The following ACSM3 variants were observed in gnomAD, a reference collection of about 807,000 sequenced individuals.
ACSM3 encodes the protein acyl-coenzyme A synthetase ACSM3, mitochondrial.
A neutral mutation model predicts 74.1 loss-of-function variants in ACSM3; 61 were observed. That is an observed-to-expected ratio of 0.82 (90% CI 0.67 to 1.02). The LOEUF is 1.02. ACSM3 is among the 50% of genes least tolerant of loss of function. The probability of loss-of-function intolerance (pLI) is 0.00; values close to 1 mark genes in which losing one functional copy is unlikely to be tolerated. For missense variants in ACSM3, 660 were observed against 697.0 expected, an observed-to-expected ratio of 0.95 and a Z score of 0.60; for synonymous variants, 213 against 241.5, an observed-to-expected ratio of 0.88 and a Z score of 1.09.
chr16:20,729,847 G>C (rs939035083), intron 1 of ACSM3, among the ~76,000 whole-genome samples: 2 of 151,908 alleles, frequency 1.3e-5, no homozygotes, highest in African/African-American at 4.8e-5. Flanking sequence ...CCACATCCAA[G>C]GGTTCATGTA....
chr16:20,752,170 A>G (rs942393623), intron 2 of ACSM3, among the ~76,000 whole-genome samples: 16 of 152,052 alleles, frequency 1.1e-4, no homozygotes, highest in African/African-American at 3.9e-4. Flanking sequence ...AGCCTGGGCG[A>G]CAGAGCGAGA....
chr16:20,740,270 C>T (rs2079905518), intron 1 of ACSM3, among the ~76,000 whole-genome samples: 1 of 152,204 alleles, frequency 6.6e-6, no homozygotes, highest in South Asian at 2.1e-4. Context: ...GTGGCACATG[C>T]CTGCAGTCCC....
intron 1 of ACSM3, among the ~76,000 whole-genome samples, chr16:20,678,697 T>C (rs976973976): frequency 6.6e-6 from 1 of 152,210 alleles, no homozygotes; most frequent in Non-Finnish European, 1.5e-5. Flanking sequence ...AGGACTTAAC[T>C]TGACTATTAA....
intron 1 of ACSM3, chr16:20,749,461 AG>A (rs1431584445): frequency 6.6e-6 from 1 of 152,180 alleles, no homozygotes; most frequent in Non-Finnish European, 1.5e-5. Flanking sequence ...AGGGGAGAAG[AG>A]TATTTTCACC....
chr16:20,688,985 TTAATA>T (rs1179286152), intron 1 of ACSM3, among the ~76,000 whole-genome samples: 1 of 148,376 alleles, frequency 6.7e-6, no homozygotes, highest in Non-Finnish European at 1.5e-5. Context: ...ATTTAATATG[TTAATA>T]TATTATATTA....
rs377481399 is a variant in ACSM3, at chr16:20,758,841, G to A, written c.-52+3225G>A. 9.3e-4 allele frequency among the ~76,000 whole-genome samples: 141 copies of A among 152,026 alleles called. 4 individuals are homozygous for A. The South Asian group carries it at 0.028, about 31-fold the overall frequency. On this transcript the variant is annotated intron_variant, in intron 3 of 3. Coordinates refer to the ACSM3 transcript ENST00000561584. ...TCTGGTATGTTGTGTTTTTGTTCTC[G>A]TTGGTTTCAAAGAACATCTTTATTT... is the stretch of plus-strand genomic sequence containing the variant.
In ACSM3 at chr16:20,786,150, G is replaced by A. The variant is rs370404111; in HGVS notation, c.1216G>A (p.Asp406Asn). Reference sequence around the variant, plus strand: ...AATGGGAAAACCTTCTCCTGCTTTCGATGTTAAGGTTTGCACATCCCCTTC... The same window carrying A: ...AATGGGAAAACCTTCTCCTGCTTTCAATGTTAAGGTTTGCACATCCCCTTC... ...GSMGKPSPAF[D>N]VKIVDVNGNV... The change falls in exon 9 of 14, where the codon GAT becomes AAT. Residue 406 changes from aspartate (D) to asparagine (N), a missense_variant. By Grantham distance (23) the Asp-to-Asn change is conservative (BLOSUM62 1). Transcript: ENST00000289416. 18 of 1,609,164 alleles carry A rather than the reference G, an allele frequency of 1.1e-5. No individual in the cohort carries two copies. The highest frequency in any genetic ancestry group is 8.0e-5 in the African/African-American group (6 of 74,668).
At chr16:20,750,732 A>T (rs1243646497) in intron 2 of ACSM3, among the ~76,000 whole-genome samples, 1 of 151,754 alleles carries the variant, frequency 6.6e-6, no homozygotes, top group Non-Finnish European at 1.5e-5. Flanking sequence ...TGTCTTCACT[A>T]TTCTTGTTAC....
At position 20,790,765 on chromosome 16, in the gene ACSM3, C is replaced by T; in HGVS notation, c.1326+77C>T. On this transcript the variant is annotated intron_variant, in intron 10 of 13. Transcript: ENST00000289416. This position sits in a 1 kb window ranked among gnomAD's most constrained non-coding sequence, Gnocchi z 4.0. ...GTAACAATCCCTGTTTGCCACAAAA[C>T]ATACCTAGGATAGGTACTTGACCCT... is the stretch of plus-strand genomic sequence containing the variant. The T allele has an allele frequency of 6.2e-7, 1 of 1,613,372 alleles. No individual in the cohort carries two copies. The highest frequency in any genetic ancestry group is 8.5e-7 in the Non-Finnish European group (1 of 1,179,448).
chr16:20,775,917 C>T lies in ACSM3; in HGVS notation c.298C>T (p.Leu100=). 1.9e-6 allele frequency: 3 copies of T among 1,614,170 alleles called. No individual in the cohort carries two copies. In the South Asian group the frequency reaches 3.3e-5, roughly 18 times the overall value. Residue 100 remains leucine, a synonymous_variant, in exon 3 of 14, where the codon CTG becomes TTG. Coordinates refer to ENST00000289416, the MANE Select transcript of ACSM3 (RefSeq NM_005622.4). The part of the protein sequence containing the change: ...GEEMRWSFEE[L]GSLSRKFANI... ...AGAGATGCGATGGAGTTTTGAGGAA[C>T]TGGGATCTCTGTCCAGAAAATTTGC...
At chr16:20,796,564 GA>G in intron 13 of ACSM3, 75 bp downstream of exon 13, 1 of 1,587,588 alleles carries the variant, frequency 6.3e-7, no homozygotes, top group Non-Finnish European at 8.5e-7. Flanking sequence ...ACATTTTAAT[GA>G]ATATTTTCTT....
At chr16:20,793,770 T>C (rs753962719) in intron 12 of ACSM3, among the ~76,000 whole-genome samples, 1 of 152,210 alleles carries the variant, frequency 6.6e-6, no homozygotes, top group Non-Finnish European at 1.5e-5. Flanking sequence ...GCTCTGAACA[T>C]CATCGGCAAG....
At chr16:20,700,824 A>G (rs2079710971) in intron 1 of ACSM3, among the ~76,000 whole-genome samples, 1 of 152,168 alleles carries the variant, frequency 6.6e-6, no homozygotes. Context: ...AAAAGAGGTC[A>G]GATTTGCATT....
intron 1 of ACSM3, chr16:20,728,344 TGAAAA>T (rs1418037481): frequency 8.9e-7 from 1 of 1,120,558 alleles, no homozygotes; most frequent in African/African-American, 1.6e-5. Flanking sequence ...TTTCATTTTG[TGAAAA>T]GAAAATTTTA....
chr16:20,777,729 A>G, intron 4 of ACSM3, 149 bp downstream of exon 4: 2 of 715,758 alleles, frequency 2.8e-6, no homozygotes, highest in Non-Finnish European at 4.5e-6. Flanking sequence ...ATAGTGCTAA[A>G]CTCTGAAGTA....
chr16:20,685,226 A>T, intron 1 of ACSM3: 26 of 1,613,978 alleles, frequency 1.6e-5, no homozygotes, highest in Non-Finnish European at 2.2e-5. Flanking sequence ...ACCAGCCACC[A>T]CTCAGGAACT....
At chr16:20,774,942 T>C (rs912623189) in intron 2 of ACSM3, among the ~76,000 whole-genome samples, 4 of 152,182 alleles carry the variant, frequency 2.6e-5, no homozygotes, top group African/African-American at 9.7e-5. Flanking sequence ...GGCAAGATCA[T>C]GTTCATGGCA....
intron 1 of ACSM3, among the ~76,000 whole-genome samples, chr16:20,728,941 T>C (rs2079816685): frequency 6.6e-6 from 1 of 152,052 alleles, no homozygotes; most frequent in Non-Finnish European, 1.5e-5. Context: ...ACCCCGTCTC[T>C]ACAAAAACAT....
chr16:20,785,037 C>G lies in ACSM3; in HGVS notation c.1073C>G (p.Pro358Arg), dbSNP rs548962433. Residue 358 changes from proline to arginine, a missense_variant, in exon 8 of 14, where the codon CCT becomes CGT. Physicochemically the swap from Pro to Arg is moderately radical, Grantham distance 103 (BLOSUM62 -2). Coordinates refer to ENST00000289416, the MANE Select transcript of ACSM3 (RefSeq NM_005622.4). ...HCVSAGEPIT[P>R]DVTEKWRNKT... ...GTGAGTGCTGGGGAACCAATTACCC[C>G]TGACGTGACTGAAAAATGGAGAAAC... The G allele has an allele frequency of 6.2e-6, 10 of 1,613,708 alleles. No individual in the cohort carries two copies. The highest frequency in any genetic ancestry group is 4.0e-5 in the African/African-American group (3 of 74,990).
Sources: gnomAD v4.1 joint callset for allele counts (sites outside exome capture counted in the v4.1 genomes callset) on GRCh38, gnomAD v4.1.1 for gene constraint, Gnocchi (gnomAD v3.1) non-coding constraint, MANE v1.5 for transcripts, NCBI Gene and HGNC (gene_info 2026-07-23, HGNC 2026-07-21) for gene names.